The following EVI5 variants were observed in gnomAD, a reference collection of about 807,000 sequenced individuals.
The protein encoded by EVI5 is ecotropic viral integration site 5, also known as ecotropic viral integration site 5 protein homolog.
Under a neutral mutation model 112.0 loss-of-function variants are expected in EVI5, and 73 were observed. The observed-to-expected ratio is 0.65, with a 90% CI of 0.54 to 0.79. The LOEUF (loss-of-function observed/expected upper bound fraction) is 0.79. Among genes scored for constraint, EVI5 ranks in the 30% least tolerant of loss-of-function variants. The pLI is 0.00. For synonymous variants in EVI5, 305 were observed against 319.9 expected (o/e 0.95, Z 0.50); for missense variants, 900 against 968.8 (o/e 0.93, Z 0.94).
intron 1 of EVI5, among the ~76,000 whole-genome samples, chr1:92,754,089 C>A (rs1214012651): frequency 6.6e-6 from 1 of 152,158 alleles, no homozygotes. Context: ...GCCAGGGTAG[C>A]ATTAGTAGCT....
At chr1:92,722,327 A>G (rs896067976) in intron 2 of EVI5, among the ~76,000 whole-genome samples, 17 of 151,942 alleles carry the variant, frequency 1.1e-4, no homozygotes, top group African/African-American at 4.1e-4. Flanking sequence ...TTTTATTATT[A>G]TTAGACTTTT....
In EVI5 at chr1:92,636,316, G is replaced by A; in HGVS notation, c.1413C>T (p.Tyr471=). The A allele has an allele frequency of 6.2e-7, 1 of 1,613,602 alleles. No homozygotes were observed. Among genetic ancestry groups the A allele is most frequent in the Non-Finnish European group, 8.5e-7 (1 of 1,179,640 alleles). ...CTAGCTGTAGCACAAAATCTTCGTT[G>A]TAGTTGGAACTGCATTTATGCTAAA... The part of the protein sequence containing the change: ...QQQWHKCSSN[Y]NEDFVLQLEK... The change falls in exon 14 of 20, where the codon TAC becomes TAT. Residue 471 remains tyrosine, a synonymous_variant. Transcript: ENST00000684568.
At chr1:92,600,548 T>C (rs1266311376) in intron 18 of EVI5, among the ~76,000 whole-genome samples, 1 of 152,198 alleles carries the variant, frequency 6.6e-6, no homozygotes, top group African/African-American at 2.4e-5. Flanking sequence ...CCAACCTTTT[T>C]GGTACTAGTG....
chr1:92,585,712 T>TC (rs1672670721), intron 18 of EVI5, among the ~76,000 whole-genome samples: 1 of 152,154 alleles, frequency 6.6e-6, no homozygotes, highest in Admixed American at 6.5e-5. Context: ...GATAGAGAGT[T>TC]CCCACATACC....
chr1:92,626,076 C>T (rs1655603618), intron 14 of EVI5, 142 bp from the exon 15 acceptor site: 2 of 571,624 alleles, frequency 3.5e-6, no homozygotes, highest in South Asian at 6.0e-5. Context: ...CTATGAAACT[C>T]ACCCTTTTAA....
rs931915726 is a variant in EVI5 at position 92,630,336 on chromosome 1, C to T, written c.1528-4402G>A. Among the ~76,000 whole-genome samples the T allele has an allele frequency of 2.6e-5, 4 of 152,168 alleles. No homozygotes were observed. In the South Asian group the frequency reaches 6.2e-4, roughly 24 times the overall value. On this transcript the variant is annotated intron_variant, in intron 14 of 19. Transcript: ENST00000684568. Reference sequence around the variant, plus strand: ...ACATCCTCTCCAGGACCTGTTGTTTCCTGACTTTTTAATGATCACCATTCT... The same window carrying T: ...ACATCCTCTCCAGGACCTGTTGTTTTCTGACTTTTTAATGATCACCATTCT...
Position 92,694,336 on chromosome 1 carries a change from G to T in EVI5, c.962C>A (p.Ala321Glu), listed in dbSNP as rs202009188. ...VGLALLQMNQ[A>E]ELMQLDMEGM... The stretch of plus-strand genomic sequence containing the variant: ...TTCCATGTCAAGTTGCATCAGTTCT[G>T]CCTGATTCATCTGAAGAAGTGCTAA... Residue 321 changes from alanine to glutamate, a missense_variant, in exon 8 of 20, where the codon GCA becomes GAA. Ala to Glu is a moderately radical substitution (Grantham distance 107, BLOSUM62 -1). Transcript: ENST00000684568. The T allele has an allele frequency of 6.2e-7, 1 of 1,605,130 alleles. No homozygotes were observed. Among genetic ancestry groups the T allele is most frequent in the Admixed American group, 1.7e-5 (1 of 59,534 alleles).
Position 92,513,541 on chromosome 1 carries a change from AT to A in EVI5, c.*114del. ...TATATATATATATATATATATATAT[AT>A]ATATATATATATATATATATATATG... On this transcript the variant is annotated 3_prime_UTR_variant, in exon 20 of 20. Coordinates refer to ENST00000684568, the MANE Select transcript of EVI5 (RefSeq NM_001350197.2). 1.1e-4 allele frequency: 2 copies of A among 18,218 alleles called. No homozygotes were observed. The highest frequency in any genetic ancestry group is 6.8e-4 in the Admixed American group (1 of 1,474). The allele number at this position is 18,218 out of a possible 1,614,324, so 1.1% of individuals were successfully genotyped here. A position where few individuals can be genotyped will look rare whatever the true frequency, so the allele number is the denominator to read the frequency against.
intron 14 of EVI5, among the ~76,000 whole-genome samples, chr1:92,629,920 G>C (rs1452873033): frequency 6.7e-6 from 1 of 150,078 alleles, no homozygotes; most frequent in Middle Eastern, 3.4e-3. Flanking sequence ...TGTGGTGTTT[G>C]GTATTTTGTC....
chr1:92,688,498 A>AT (rs1441496559), intron 9 of EVI5, among the ~76,000 whole-genome samples: 1 of 152,146 alleles, frequency 6.6e-6, no homozygotes. Context: ...AGCCACAGAG[A>AT]TTTTTTATAA....
intron 18 of EVI5, among the ~76,000 whole-genome samples, chr1:92,590,455 C>G (rs1673625261): frequency 6.6e-6 from 1 of 152,154 alleles, no homozygotes; most frequent in Non-Finnish European, 1.5e-5. Flanking sequence ...GGCACGAGAA[C>G]TACGTGATGA....
At chr1:92,574,076 T>C (rs979417097) in intron 18 of EVI5, among the ~76,000 whole-genome samples, 1 of 152,102 alleles carries the variant, frequency 6.6e-6, no homozygotes, top group Non-Finnish European at 1.5e-5. Flanking sequence ...TAAGAGTATG[T>C]AGAAGAATAT....
intron 2 of EVI5, among the ~76,000 whole-genome samples, chr1:92,713,132 G>T (rs189083441): frequency 4.0e-5 from 6 of 151,870 alleles, no homozygotes; most frequent in Non-Finnish European, 5.9e-5. Flanking sequence ...CAGTTGAAAT[G>T]TCACTTCAAC....
chr1:92,545,364 C>T (rs1403818649), intron 19 of EVI5, among the ~76,000 whole-genome samples: 1 of 151,536 alleles, frequency 6.6e-6, no homozygotes, highest in African/African-American at 2.4e-5. Flanking sequence ...GCCATTGTGC[C>T]TGGCCTGTTT....
intron 10 of EVI5, among the ~76,000 whole-genome samples, chr1:92,672,226 A>G (rs545187120): frequency 6.6e-6 from 1 of 152,300 alleles, no homozygotes; most frequent in South Asian, 2.1e-4. Context: ...AACTTAAATC[A>G]CATTTTGTCC....
chr1:92,755,461 T>C (rs1017043907), intron 1 of EVI5, among the ~76,000 whole-genome samples: 2 of 152,126 alleles, frequency 1.3e-5, no homozygotes, highest in Non-Finnish European at 2.9e-5. Flanking sequence ...AACTAATGAT[T>C]TGTCTAAAGG....
At chr1:92,559,586 A>T (rs886546830) in intron 19 of EVI5, among the ~76,000 whole-genome samples, 3 of 151,986 alleles carry the variant, frequency 2.0e-5, no homozygotes, top group African/African-American at 7.3e-5. Flanking sequence ...AGCCTGGTCA[A>T]CATGGTGAAA....
chr1:92,550,770 A>T, intron 19 of EVI5, among the ~76,000 whole-genome samples: 1 of 65,560 alleles, frequency 1.5e-5, no homozygotes, highest in African/African-American at 6.8e-5. Flanking sequence ...AAAAAAAAAA[A>T]AAAAAAAAAA....
At chr1:92,563,279 C>A (rs1177813504) in intron 19 of EVI5, among the ~76,000 whole-genome samples, 1 of 152,102 alleles carries the variant, frequency 6.6e-6, no homozygotes, top group East Asian at 1.9e-4. Context: ...CTGCATGCAA[C>A]GGTAAATACC....
Sources: allele counts gnomAD v4.1 joint callset (sites outside exome capture counted in the v4.1 genomes callset), GRCh38; gene constraint gnomAD v4.1.1; transcripts MANE v1.5; gene names NCBI Gene and HGNC (gene_info 2026-07-23, HGNC 2026-07-21).